The following KAZN variants were observed in gnomAD, a reference collection of about 807,000 sequenced individuals.
The protein encoded by KAZN is kazrin.
A neutral mutation model predicts 87.4 loss-of-function variants in KAZN; 40 were observed. The ratio of observed to expected loss-of-function variants is 0.46; its 90% CI spans 0.36 to 0.60. The LOEUF (loss-of-function observed/expected upper bound fraction) is 0.60, where lower values mean the gene tolerates loss of function less well. Among genes scored for constraint, KAZN ranks in the 20% least tolerant of loss-of-function variants. KAZN has a pLI of 0.00. For missense variants in KAZN, 898 were observed against 1,073.9 expected (o/e 0.84, Z 2.29); for synonymous variants, 466 against 458.3 (o/e 1.02, Z -0.22).
chr1:14,491,665 G>A (rs1669657998), intron 2 of KAZN, among the ~76,000 whole-genome samples: 1 of 152,106 alleles, frequency 6.6e-6, no homozygotes, highest in Non-Finnish European at 1.5e-5. Flanking sequence ...TTTCAAAGAG[G>A]TTTTCTTTCC....
intron 2 of KAZN, among the ~76,000 whole-genome samples, chr1:14,307,838 C>CA (rs1420257095): frequency 1.3e-5 from 2 of 152,178 alleles, no homozygotes; most frequent in African/African-American, 4.8e-5. Context: ...TTATTAACTA[C>CA]AAATGAAGAA....
intron 1 of KAZN, among the ~76,000 whole-genome samples, chr1:14,904,906 C>T (rs1016247400): frequency 2.6e-5 from 4 of 152,298 alleles, no homozygotes; most frequent in East Asian, 3.9e-4. Flanking sequence ...GAACTACAGG[C>T]GCTGGCCACC....
chr1:14,567,172 C>A (rs535042741), intron 2 of KAZN, among the ~76,000 whole-genome samples: 2 of 152,148 alleles, frequency 1.3e-5, no homozygotes, highest in African/African-American at 4.8e-5. Context: ...CCTTAGAGGT[C>A]ATTGTAGGGT....
At chr1:14,507,375 G>A (rs1228600787) in intron 2 of KAZN, among the ~76,000 whole-genome samples, 1 of 152,174 alleles carries the variant, frequency 6.6e-6, no homozygotes, top group African/African-American at 2.4e-5. Flanking sequence ...ACTTACAACA[G>A]CTGCTCGGAG....
chr1:13,924,086 T>C (rs1640177267), intron 1 of KAZN, among the ~76,000 whole-genome samples: 1 of 152,238 alleles, frequency 6.6e-6, no homozygotes, highest in East Asian at 1.9e-4. Context: ...TCTGTACTTT[T>C]GTTTTTTTCA....
intron 1 of KAZN, among the ~76,000 whole-genome samples, chr1:13,925,512 A>AT (rs963979015): frequency 1.3e-5 from 2 of 152,044 alleles, no homozygotes; most frequent in African/African-American, 4.8e-5. Context: ...GGCAGATGGG[A>AT]TGGGAGGTCT....
rs367582284 is a variant in KAZN, at chr1:14,801,947, G to A, written c.227-158737G>A. ...AATCCGCCCGCCTTGGCCTTCCAAA[G>A]TGCTGGGATTACACGCGTCGGCCAC... On this transcript the variant is annotated intron_variant, in intron 1 of 14. Coordinates refer to ENST00000376030, the MANE Select transcript of KAZN (RefSeq NM_201628.3). Among the ~76,000 whole-genome samples, 34 of 152,092 alleles carry A rather than the reference G, an allele frequency of 2.2e-4. 1 individual carries two copies. Among genetic ancestry groups the A allele is most frequent in the African/African-American group, 7.7e-4 (32 of 41,520 alleles).
In KAZN at chr1:14,478,240, G is replaced by GGAAAA. The variant is rs1420401531; in HGVS notation, c.250-120740_250-120739insAAGAA. On this transcript the variant is annotated intron_variant, in intron 2 of 16. Transcript: ENST00000636203. ...TGGATGGATAGAAGGAAGGAAGGAA[G>GGAAAA]GAAGGAAAAGAAGGAAGGAAGGAAG... is the stretch of plus-strand genomic sequence containing the variant. 3.4e-3 allele frequency among the ~76,000 whole-genome samples: 472 copies of GGAAAA among 139,330 alleles called. 2 individuals carry two copies. The highest frequency in any genetic ancestry group is 0.01 in the African/African-American group (361 of 35,998). 91.4% of individuals were successfully genotyped at this position (139,330 alleles called of 152,430 possible).
intron 1 of KAZN, among the ~76,000 whole-genome samples, chr1:14,852,011 A>G (rs1649506877): frequency 6.6e-6 from 1 of 152,208 alleles, no homozygotes; most frequent in Non-Finnish European, 1.5e-5. Context: ...ATGAAGTCAT[A>G]TCTCAGCTCC....
intron 1 of KAZN, chr1:14,692,327 G>A (rs980823109): frequency 3.5e-5 from 16 of 454,622 alleles, no homozygotes; most frequent in Non-Finnish European, 4.6e-5. Flanking sequence ...CACCATCTTC[G>A]GCTCTCATTT....
intron 1 of KAZN, among the ~76,000 whole-genome samples, chr1:14,028,213 G>A (rs899709280): frequency 6.3e-5 from 9 of 142,526 alleles, no homozygotes; most frequent in African/African-American, 1.0e-4. Context: ...GGGAAACTAC[G>A]TAGGTGAGTG....
chr1:15,049,477 C>T (rs955393445), intron 4 of KAZN, among the ~76,000 whole-genome samples: 1 of 152,124 alleles, frequency 6.6e-6, no homozygotes, highest in Admixed American at 6.5e-5. Context: ...AGCACCCCCT[C>T]CACCCCAGCC....
At chr1:14,933,003 C>T (rs1660024783) in intron 1 of KAZN, among the ~76,000 whole-genome samples, 2 of 152,318 alleles carry the variant, frequency 1.3e-5, no homozygotes, top group South Asian at 4.2e-4. Context: ...CCCTGCCAAC[C>T]ACCATTCCAG....
chr1:14,998,083 G>A (rs543064475), intron 2 of KAZN, among the ~76,000 whole-genome samples: 2 of 152,168 alleles, frequency 1.3e-5, no homozygotes, highest in East Asian at 1.9e-4. Flanking sequence ...CCAGGAGCAG[G>A]GCAGGCCTCG....
chr1:14,583,628 G>A (rs944293399), intron 2 of KAZN, among the ~76,000 whole-genome samples: 1 of 152,188 alleles, frequency 6.6e-6, no homozygotes, highest in Non-Finnish European at 1.5e-5. Flanking sequence ...GCTTGGGTGA[G>A]GCAGGCCCCT....
At chr1:13,973,421 G>C (rs1245066142) in intron 1 of KAZN, among the ~76,000 whole-genome samples, 1 of 152,240 alleles carries the variant, frequency 6.6e-6, no homozygotes, top group Non-Finnish European at 1.5e-5. Flanking sequence ...TGGCAGAAGA[G>C]TAGAGGATCA....
At chr1:15,098,499 C>T (rs1369560183) in intron 10 of KAZN, among the ~76,000 whole-genome samples, 2 of 152,240 alleles carry the variant, frequency 1.3e-5, no homozygotes, top group Non-Finnish European at 2.9e-5. Flanking sequence ...TGCAGCTCTC[C>T]ACCCCAACTC....
chr1:14,370,620 G>C (rs1335534535), intron 2 of KAZN, among the ~76,000 whole-genome samples: 1 of 151,244 alleles, frequency 6.6e-6, no homozygotes, highest in Non-Finnish European at 1.5e-5. Flanking sequence ...CTACCTATTG[G>C]GCTGAAAAAC....
chr1:15,093,755 C>T (rs1019235509), intron 8 of KAZN, among the ~76,000 whole-genome samples: 1 of 152,156 alleles, frequency 6.6e-6, no homozygotes, highest in Non-Finnish European at 1.5e-5. Context: ...GGGTAAATAT[C>T]TCCAAGCTCG....
Sources: allele counts gnomAD v4.1 joint callset (sites outside exome capture counted in the v4.1 genomes callset), GRCh38; gene constraint gnomAD v4.1.1; transcripts MANE v1.5; gene names NCBI Gene and HGNC (gene_info 2026-07-23, HGNC 2026-07-21).